TXNRD2: variants seen among roughly 807,000 people sequenced by gnomAD.
The protein encoded by TXNRD2 is thioredoxin reductase 2, mitochondrial.
A neutral mutation model predicts 70.8 loss-of-function variants in TXNRD2; 67 were observed. The ratio of observed to expected loss-of-function variants is 0.95; its 90% CI spans 0.78 to 1.16. The LOEUF is 1.16. TXNRD2 is among the 50% of genes most tolerant of loss of function. The probability of loss-of-function intolerance (pLI) is 0.00; values close to 1 mark genes in which losing one functional copy is unlikely to be tolerated. For synonymous variants in TXNRD2, 301 were observed against 295.8 expected (o/e 1.02, Z -0.18); for missense variants, 644 against 719.9 (o/e 0.89, Z 1.21).
intron 11 of TXNRD2, among the ~76,000 whole-genome samples, chr22:19,892,431 C>G (rs2145961283): frequency 6.6e-6 from 1 of 152,384 alleles, no homozygotes; most frequent in Middle Eastern, 3.4e-3. Flanking sequence ...GCTTCCACCC[C>G]CAGCATCAAT....
intron 14 of TXNRD2, 123 bp from the exon 15 acceptor site, chr22:19,878,560 G>A: frequency 1.1e-6 from 1 of 942,256 alleles, no homozygotes; most frequent in African/African-American, 1.6e-5. Context: ...CATCTGGCCT[G>A]AAGGTCTGGT....
At chr22:19,912,976 G>T (rs1390794709) in intron 7 of TXNRD2, among the ~76,000 whole-genome samples, 1 of 152,228 alleles carries the variant, frequency 6.6e-6, no homozygotes, top group South Asian at 2.1e-4. Context: ...GAGAGCCGTG[G>T]TCTTCAAGAG....
rs1225557881 is a variant in TXNRD2, at chr22:19,895,473, T to A, written c.883A>T (p.Thr295Ser). The change falls in exon 11 of 18, where the codon ACC becomes TCC. Residue 295 changes from threonine (T) to serine (S), a missense_variant. Physicochemically the swap from Thr to Ser is moderately conservative, Grantham distance 58. This residue lies in a region of TXNRD2 where 566 missense variants were observed against 645.0 expected (regional missense o/e 0.88). Transcript: ENST00000400521. The part of the protein sequence containing the change: ...RRLPDGQLQV[T>S]WEDSTTGKED... ...TTGCCGGTGGTGCTGTCCTCCCAGGTGACCTGCAGCTGGCCATCAGGGAGC... is the reference window on the plus strand; with the variant it reads ...TTGCCGGTGGTGCTGTCCTCCCAGGAGACCTGCAGCTGGCCATCAGGGAGC... 1 of 1,613,842 alleles carries A rather than the reference T, an allele frequency of 6.2e-7. No homozygotes were observed. The highest frequency in any genetic ancestry group is 8.5e-7 in the Non-Finnish European group (1 of 1,179,984).
chr22:19,932,383 A>G (rs763613229), intron 1 of TXNRD2: 1 of 1,612,696 alleles, frequency 6.2e-7, no homozygotes, highest in South Asian at 1.1e-5. Context: ...GGCTCACTGC[A>G]CATAGTGCCA....
intron 12 of TXNRD2, among the ~76,000 whole-genome samples, chr22:19,882,039 G>A (rs532727443): frequency 6.6e-5 from 10 of 152,140 alleles, no homozygotes; most frequent in South Asian, 4.1e-4. Flanking sequence ...TGGACCCTAA[G>A]TCCAATTGCA....
At position 19,931,652 on chromosome 22, in the gene TXNRD2, G is replaced by A. The variant is rs114698665; in HGVS notation, c.104-554C>T. Among the ~76,000 whole-genome samples, 1,010 of 152,152 alleles carry A rather than the reference G, an allele frequency of 6.6e-3. 7 individuals are homozygous for A. The highest frequency in any genetic ancestry group is 0.023 in the African/African-American group (934 of 41,510). ...CAGAATAGCTGGGACTACAAGCACC[G>A]ATCACCACGTCCAGCTAAATTTTTT... On this transcript the variant is annotated intron_variant, in intron 1 of 17. Transcript: ENST00000400521.
At chr22:19,898,944 T>C (rs1939645740) in intron 9 of TXNRD2, 105 bp downstream of exon 9, 2 of 1,458,144 alleles carry the variant, frequency 1.4e-6, no homozygotes, top group African/African-American at 1.4e-5. Flanking sequence ...TAAGTGCCGA[T>C]CTGAGGCAGC....
chr22:19,883,297 G>T (rs1305070606), intron 12 of TXNRD2, 28 bp downstream of exon 12: 1 of 1,609,144 alleles, frequency 6.2e-7, no homozygotes, highest in African/African-American at 1.3e-5. Flanking sequence ...CAGGGGCAGG[G>T]GCCCTGGTCC....
At chr22:19,903,616 G>C (rs1939876924) in intron 8 of TXNRD2, among the ~76,000 whole-genome samples, 1 of 152,238 alleles carries the variant, frequency 6.6e-6, no homozygotes, top group South Asian at 2.1e-4. Context: ...TTGTGCGGCT[G>C]TGGGACTGGA....
intron 11 of TXNRD2, chr22:19,894,534 T>C (rs1318822621): frequency 6.5e-6 from 1 of 153,660 alleles, no homozygotes; most frequent in Non-Finnish European, 1.4e-5. Context: ...AAGGCTGAGA[T>C]GGGAAGATTG....
chr22:19,896,599 C>G (rs1295095321), intron 10 of TXNRD2, among the ~76,000 whole-genome samples: 1 of 152,240 alleles, frequency 6.6e-6, no homozygotes, highest in East Asian at 1.9e-4. Flanking sequence ...CAGAGAGAGT[C>G]CTGCTTCTCC....
chr22:19,928,709 A>G (rs1941245155), intron 2 of TXNRD2, among the ~76,000 whole-genome samples: 1 of 152,180 alleles, frequency 6.6e-6, no homozygotes, highest in South Asian at 2.1e-4. Flanking sequence ...AGGGTCTTCA[A>G]AAAGGTAATT....
At chr22:19,941,076 G>T (rs548774062) in intron 1 of TXNRD2, among the ~76,000 whole-genome samples, 71 of 152,308 alleles carry the variant, frequency 4.7e-4, no homozygotes, top group African/African-American at 1.6e-3. Flanking sequence ...CCCCTGCATG[G>T]TGGGGGACCA....
At chr22:19,878,588 G>C in intron 14 of TXNRD2, 151 bp from the exon 15 acceptor site, 2 of 787,202 alleles carry the variant, frequency 2.5e-6, no homozygotes, top group Non-Finnish European at 4.5e-6. Flanking sequence ...GGGGATGAGG[G>C]CTTGGCTGGC....
At chr22:19,911,470 T>A in intron 7 of TXNRD2, 23 bp from the exon 8 acceptor site, 1 of 1,601,382 alleles carries the variant, frequency 6.2e-7, no homozygotes, top group Non-Finnish European at 8.6e-7. Context: ...AAATGACCCC[T>A]TGGACAAGAG....
intron 1 of TXNRD2, among the ~76,000 whole-genome samples, chr22:19,938,410 G>A (rs1941601931): frequency 6.6e-6 from 1 of 152,184 alleles, no homozygotes; most frequent in Non-Finnish European, 1.5e-5. Context: ...CCGCTTATTG[G>A]ATTAATGTAA....
chr22:19,902,576 C>G (rs571929861), intron 8 of TXNRD2, among the ~76,000 whole-genome samples: 1 of 152,198 alleles, frequency 6.6e-6, no homozygotes, highest in Non-Finnish European at 1.5e-5. Flanking sequence ...GGGGGTGCTA[C>G]GAAGGCCTCC....
chr22:19,910,855 A>C, intron 8 of TXNRD2: 1 of 228,690 alleles, frequency 4.4e-6, no homozygotes, highest in South Asian at 5.4e-5. Context: ...TGGGCGGATC[A>C]CCTGAGGTCA....
chr22:19,886,584 T>A (rs1939043497), intron 11 of TXNRD2, among the ~76,000 whole-genome samples: 2 of 152,160 alleles, frequency 1.3e-5, no homozygotes, highest in Admixed American at 1.3e-4. Flanking sequence ...CCTGGTCAGC[T>A]CCCGACCATT....
Sources: gnomAD v4.1 joint callset for allele counts (sites outside exome capture counted in the v4.1 genomes callset) on GRCh38, gnomAD v4.1.1 for gene constraint, gnomAD v4.1.1 regional missense constraint, MANE v1.5 for transcripts, NCBI Gene and HGNC (gene_info 2026-07-23, HGNC 2026-07-21) for gene names.